Variants in NAALADL2 observed in about 807,000 individuals in gnomAD.
NAALADL2 encodes the protein inactive N-acetylated-alpha-linked acidic dipeptidase-like protein 2.
NAALADL2 carries 76 observed loss-of-function variants against 87.2 expected under a neutral mutation model. The ratio of observed to expected loss-of-function variants is 0.87; its 90% CI spans 0.72 to 1.05. The LOEUF is 1.05. Ranked by LOEUF, NAALADL2 falls within the 50% of genes least tolerant of loss-of-function variation. NAALADL2 has a pLI of 0.00. For missense variants in NAALADL2, 1,089 were observed against 945.8 expected (o/e 1.15, Z -1.99); for synonymous variants, 354 against 331.0 (o/e 1.07, Z -0.75).
chr3:174,815,378 G>A (rs1040535951), intron 3 of NAALADL2, among the ~76,000 whole-genome samples: 3 of 152,116 alleles, frequency 2.0e-5, no homozygotes, highest in African/African-American at 7.2e-5. Flanking sequence ...TTCTCCCTGT[G>A]TCTTCACATC....
At chr3:175,105,059 C>A (rs993911015) in intron 2 of NAALADL2, among the ~76,000 whole-genome samples, 1 of 152,070 alleles carries the variant, frequency 6.6e-6, no homozygotes, top group Non-Finnish European at 1.5e-5. Flanking sequence ...GACAGTGGGG[C>A]CTTTGACTGC....
intron 2 of NAALADL2, among the ~76,000 whole-genome samples, chr3:175,212,223 C>T (rs1741864396): frequency 6.6e-6 from 1 of 151,650 alleles, no homozygotes; most frequent in Non-Finnish European, 1.5e-5. Context: ...TTAAGAAGGC[C>T]CATTAATGCT....
At chr3:174,814,197 C>T (rs2109306098) in intron 3 of NAALADL2, among the ~76,000 whole-genome samples, 1 of 152,060 alleles carries the variant, frequency 6.6e-6, no homozygotes, top group South Asian at 2.1e-4. Flanking sequence ...CAAGCTCCAC[C>T]CCCCGGGTTC....
intron 1 of NAALADL2, among the ~76,000 whole-genome samples, chr3:174,872,280 A>G (rs1012404582): frequency 2.6e-5 from 4 of 152,184 alleles, no homozygotes; most frequent in African/African-American, 9.7e-5. Flanking sequence ...GCCATATTTA[A>G]GAGTCACGTC....
At chr3:175,234,370 C>T (rs1745480546) in intron 3 of NAALADL2, among the ~76,000 whole-genome samples, 166 bp downstream of exon 3, 4 of 152,136 alleles carry the variant, frequency 2.6e-5, no homozygotes, top group Admixed American at 2.6e-4. Flanking sequence ...CCCTCCTGAC[C>T]CTTTTCTTGT....
intron 4 of NAALADL2, among the ~76,000 whole-genome samples, chr3:175,313,894 C>G (rs1020619361): frequency 4.0e-5 from 6 of 151,732 alleles, no homozygotes; most frequent in Non-Finnish European, 5.9e-5. Flanking sequence ...AAAACCATGT[C>G]TCTACTAAAA....
intron 9 of NAALADL2, among the ~76,000 whole-genome samples, chr3:175,507,509 G>A (rs1165724248): frequency 1.3e-5 from 2 of 149,648 alleles, no homozygotes; most frequent in Admixed American, 6.7e-5. Flanking sequence ...TGCAGCCCCC[G>A]CCTCCCAGGT....
chr3:175,749,780 C>T (rs531467821), intron 12 of NAALADL2, among the ~76,000 whole-genome samples: 1 of 152,120 alleles, frequency 6.6e-6, no homozygotes, highest in African/African-American at 2.4e-5. Context: ...TCCCAGGTCC[C>T]GGCAGGTTAC....
chr3:175,153,766 G>C (rs1035422281), intron 2 of NAALADL2, among the ~76,000 whole-genome samples: 1 of 152,112 alleles, frequency 6.6e-6, no homozygotes, highest in African/African-American at 2.4e-5. Context: ...TTAGTTTATT[G>C]GCATGTAGAT....
chr3:175,407,251 A>AT (rs1314354743), intron 5 of NAALADL2, among the ~76,000 whole-genome samples: 1 of 152,124 alleles, frequency 6.6e-6, no homozygotes, highest in East Asian at 1.9e-4. Context: ...ATGATAAATC[A>AT]TTTTTTCTCT....
At chr3:174,865,430 A>C (rs1397608227) in intron 1 of NAALADL2, among the ~76,000 whole-genome samples, 4 of 151,970 alleles carry the variant, frequency 2.6e-5, no homozygotes, top group Non-Finnish European at 5.9e-5. Context: ...TGTTCTCTCA[A>C]AAGTAAGCTC....
chr3:174,576,853 A>G (rs1025805803), intron 2 of NAALADL2, among the ~76,000 whole-genome samples: 30 of 152,178 alleles, frequency 2.0e-4, no homozygotes, highest in African/African-American at 5.3e-4. Flanking sequence ...ATGACAGTCA[A>G]TTGCATTCTG....
intron 9 of NAALADL2, among the ~76,000 whole-genome samples, chr3:175,534,202 C>G (rs891135868): frequency 2.2e-4 from 34 of 152,064 alleles, no homozygotes; most frequent in African/African-American, 6.5e-4. Flanking sequence ...TTCCGTTCCT[C>G]TAGAACCACT....
intron 5 of NAALADL2, among the ~76,000 whole-genome samples, chr3:175,423,536 G>A (rs1482002856): frequency 1.3e-5 from 2 of 151,090 alleles, no homozygotes; most frequent in Non-Finnish European, 2.9e-5. Flanking sequence ...TTGTCCTTGC[G>A]ATAGTTTACT....
chr3:174,522,185 C>T (rs555342062), intron 1 of NAALADL2, among the ~76,000 whole-genome samples: 2 of 152,306 alleles, frequency 1.3e-5, no homozygotes, highest in South Asian at 4.1e-4. Context: ...TATATTTCCT[C>T]TGCTTTGTTC....
intron 10 of NAALADL2, among the ~76,000 whole-genome samples, chr3:175,583,104 G>A (rs76234854): frequency 0.022 from 3,292 of 152,160 alleles, 113 homozygotes; most frequent in African/African-American, 0.073. Flanking sequence ...CCTTAGCCTA[G>A]CCTATACTCA....
At chr3:175,250,052 C>T (rs538995375) in intron 3 of NAALADL2, among the ~76,000 whole-genome samples, 1 of 151,892 alleles carries the variant, frequency 6.6e-6, no homozygotes, top group East Asian at 1.9e-4. Context: ...GCCTGTAATC[C>T]CAGCTACTCA....
chr3:175,428,414 T>G (rs1423896001), intron 5 of NAALADL2, among the ~76,000 whole-genome samples: 1 of 152,152 alleles, frequency 6.6e-6, no homozygotes, highest in Non-Finnish European at 1.5e-5. Flanking sequence ...CCGAATCACC[T>G]ACTCCTGTTT....
At chr3:175,588,496 GA>G (rs1309890018) in intron 10 of NAALADL2, among the ~76,000 whole-genome samples, 12 of 147,734 alleles carry the variant, frequency 8.1e-5, no homozygotes, top group African/African-American at 3.0e-4. Context: ...GTGTTTTTAA[GA>G]AAGAGCTCAA....
Sources: allele counts gnomAD v4.1 joint callset (sites outside exome capture counted in the v4.1 genomes callset), GRCh38; gene constraint gnomAD v4.1.1; transcripts MANE v1.5; gene names NCBI Gene and HGNC (gene_info 2026-07-23, HGNC 2026-07-21).